The following MAP3K7 variants were observed in gnomAD, a reference collection of about 807,000 sequenced individuals.
MAP3K7 encodes TGF-beta activated kinase 1.
A neutral mutation model predicts 84.8 loss-of-function variants in MAP3K7; 21 were observed. That is an observed-to-expected ratio of 0.25 (90% CI 0.18 to 0.36). The LOEUF (loss-of-function observed/expected upper bound fraction) is 0.36, where lower values mean the gene tolerates loss of function less well. Among genes scored for constraint, MAP3K7 ranks in the 10% least tolerant of loss-of-function variants. The pLI is 1.00. For synonymous variants in MAP3K7, 241 were observed against 247.7 expected (o/e 0.97, Z 0.25); for missense variants, 503 against 747.7 (o/e 0.67, Z 3.82).
At position 90,586,885 on chromosome 6, in the gene MAP3K7, AT is replaced by A. The variant is rs775182340; in HGVS notation, c.-3del. 6.2e-7 allele frequency: 1 copy of A among 1,602,988 alleles called. No homozygotes were observed. The highest frequency in any genetic ancestry group is 8.5e-7 in the Non-Finnish European group (1 of 1,175,770). ...GGAGGCGGCAGAGGCTGTAGACATG[AT>A]CCCTCGCGGCGCCCGGTGGGGCCGG... On this transcript the variant is annotated 5_prime_UTR_variant, in exon 1 of 17. Coordinates refer to ENST00000369329, the MANE Select transcript of MAP3K7 (RefSeq NM_145331.3).
chr6:90,532,207 A>G (rs1207387356), intron 13 of MAP3K7, among the ~76,000 whole-genome samples: 1 of 152,196 alleles, frequency 6.6e-6, no homozygotes, highest in Non-Finnish European at 1.5e-5. Context: ...AATACTTTCC[A>G]TGATCCTTGA....
rs3215663 is a variant in MAP3K7, at chr6:90,556,630, T to TA, written c.483-7dup. On this transcript the variant is annotated splice_region_variant and splice_polypyrimidine_tract_variant and intron_variant, in intron 5 of 16. Transcript: ENST00000369329. ...CCCCTGCAACCAGCAGTAAGCTGTT[T>TA]AAAAAAAAACAAAAAACATCAAAAG... The TA allele has an allele frequency of 0.32, 482,878 of 1,526,536 alleles. 69,254 individuals are homozygous for TA. The highest frequency in any genetic ancestry group is 0.42 in the African/African-American group (29,759 of 70,130). 94.6% of individuals were successfully genotyped at this position (1,526,536 alleles called of 1,614,324 possible). A position where few individuals can be genotyped will look rare whatever the true frequency, so the allele number is the denominator to read the frequency against.
rs561563376 is a variant in MAP3K7, at chr6:90,515,476, T to C, written c.*1025A>G. 2 of 152,078 alleles carry C rather than the reference T, an allele frequency of 1.3e-5. No individual in the cohort carries two copies. Among genetic ancestry groups the C allele is most frequent in the Admixed American group, 1.3e-4 (2 of 15,258 alleles). 9.4% of individuals were successfully genotyped at this position (152,078 alleles called of 1,614,324 possible). A position where few individuals can be genotyped will look rare whatever the true frequency, so the allele number is the denominator to read the frequency against. On this transcript the variant is annotated 3_prime_UTR_variant, in exon 17 of 17. Transcript: ENST00000369329. ...CAAATATTCCAATATCCAGGATAAT[T>C]AGGACACTTGTTGAATTTATATTTG...
At chr6:90,519,406 TC>T in intron 14 of MAP3K7, 87 bp from the exon 15 acceptor site, 5 of 807,066 alleles carry the variant, frequency 6.2e-6, no homozygotes, top group Non-Finnish European at 1.0e-5. Context: ...ATGCTTTTTT[TC>T]CCTAAAGTAA....
chr6:90,555,671 T>C (rs1776314664), intron 6 of MAP3K7, among the ~76,000 whole-genome samples: 1 of 152,212 alleles, frequency 6.6e-6, no homozygotes, highest in African/African-American at 2.4e-5. Flanking sequence ...TTATGTTCTA[T>C]AAAGTTTCTG....
intron 7 of MAP3K7, 26 bp from the exon 8 acceptor site, chr6:90,552,205 G>A (rs1488637112): frequency 6.3e-7 from 1 of 1,575,660 alleles, no homozygotes; most frequent in South Asian, 1.1e-5. Context: ...AGAGGAAGGG[G>A]GGAAGAATGT....
intron 1 of MAP3K7, among the ~76,000 whole-genome samples, chr6:90,585,735 AT>A (rs1335132412): frequency 2.6e-5 from 4 of 152,168 alleles, no homozygotes; most frequent in African/African-American, 9.7e-5. Context: ...TAAAGAAAGG[AT>A]ATGGGTTTTC....
chr6:90,531,560 C>T (rs1210788800), intron 13 of MAP3K7, among the ~76,000 whole-genome samples: 1 of 152,124 alleles, frequency 6.6e-6, no homozygotes, highest in Non-Finnish European at 1.5e-5. Context: ...ATCTAAAGGT[C>T]TGTAGGCTTG....
rs932318636 is a variant in MAP3K7, at chr6:90,514,747, T to C, written c.*1754A>G. On this transcript the variant is annotated 3_prime_UTR_variant, in exon 17 of 17. Transcript: ENST00000369329. Reference sequence around the variant, plus strand: ...GATGTACATACAAGCAACAATGCTATGGAGGAGTCATGCTTTATCCTAGTC... The same window carrying C: ...GATGTACATACAAGCAACAATGCTACGGAGGAGTCATGCTTTATCCTAGTC... 3.3e-5 allele frequency: 5 copies of C among 151,962 alleles called. No homozygotes were observed. Among genetic ancestry groups the C allele is most frequent in the African/African-American group, 9.7e-5 (4 of 41,418 alleles). 9.4% of individuals were successfully genotyped at this position (151,962 alleles called of 1,614,324 possible).
chr6:90,556,095 T>C (rs1197335728), intron 6 of MAP3K7, among the ~76,000 whole-genome samples: 1 of 152,232 alleles, frequency 6.6e-6, no homozygotes, highest in East Asian at 1.9e-4. Context: ...CGTTGTCTTG[T>C]TCAACCTCAG....
At chr6:90,542,984 C>T (rs1049703785) in intron 12 of MAP3K7, among the ~76,000 whole-genome samples, 44 of 152,010 alleles carry the variant, frequency 2.9e-4, no homozygotes, top group African/African-American at 1.0e-3. Flanking sequence ...GCGTGGGCTA[C>T]GCTGCCATAT....
In MAP3K7 at chr6:90,536,422, G is replaced by A. The variant is rs1179642259; in HGVS notation, c.1292-21C>T. ...GTTGCCTTTAAAAAGAAGAAAAAAA[G>A]TAAAATACTAAAATCTAGTCAAACA... On this transcript the variant is annotated intron_variant, in intron 12 of 16. Coordinates refer to ENST00000369329, the MANE Select transcript of MAP3K7 (RefSeq NM_145331.3). 5.7e-6 allele frequency: 9 copies of A among 1,580,808 alleles called. No individual in the cohort carries two copies. The East Asian group carries it at 1.1e-4, about 20-fold the overall frequency.
intron 3 of MAP3K7, among the ~76,000 whole-genome samples, chr6:90,568,232 CAAGT>C (rs1047473253): frequency 3.3e-5 from 5 of 151,752 alleles, no homozygotes; most frequent in East Asian, 3.9e-4. Flanking sequence ...ATATCAAAAA[CAAGT>C]AAGTAACTCA....
At chr6:90,570,675 A>G (rs1034803145) in intron 2 of MAP3K7, among the ~76,000 whole-genome samples, 18 of 152,204 alleles carry the variant, frequency 1.2e-4, no homozygotes, top group South Asian at 4.1e-4. Flanking sequence ...TTTACATTAC[A>G]TGCACATCTC....
At chr6:90,574,649 A>G (rs911973857) in intron 1 of MAP3K7, among the ~76,000 whole-genome samples, 1 of 152,204 alleles carries the variant, frequency 6.6e-6, no homozygotes, top group South Asian at 2.1e-4. Flanking sequence ...TTCCATTTTG[A>G]GGAACGTCCA....
Position 90,516,556 on chromosome 6 carries a change from T to C in MAP3K7, c.1766A>G (p.Lys589Arg), listed in dbSNP as rs1309758104. The C allele has an allele frequency of 5.0e-6, 8 of 1,612,726 alleles. No individual in the cohort carries two copies. Among genetic ancestry groups the C allele is most frequent in the East Asian group, 4.5e-5 (2 of 44,862 alleles). Residue 589 changes from lysine to arginine, a missense_variant, in exon 17 of 17, where the codon AAA (lysine) becomes AGA (arginine). Physicochemically the swap from Lys to Arg is conservative, Grantham distance 26. Coordinates refer to ENST00000369329, the MANE Select transcript of MAP3K7 (RefSeq NM_145331.3). The stretch of plus-strand genomic sequence containing the variant: ...ACTTCTGATGACCTCTAGTTGTTTT[T>C]TGCATTGCTGGTAGTAAGTAGAAAG... ...KSLSTYYQQC[K>R]KQLEVIRSQQ... is the part of the protein sequence containing the mutation.
intron 14 of MAP3K7, 98 bp downstream of exon 14, chr6:90,523,580 T>C (rs1348555998): frequency 6.9e-6 from 5 of 725,672 alleles, no homozygotes; most frequent in East Asian, 5.2e-5. Context: ...AACAACAGTA[T>C]AATGCCTGCC....
At chr6:90,539,467 T>C (rs1775786527) in intron 12 of MAP3K7, among the ~76,000 whole-genome samples, 1 of 151,826 alleles carries the variant, frequency 6.6e-6, no homozygotes, top group African/African-American at 2.4e-5. Flanking sequence ...ATCAAAGGCT[T>C]ACATCTGCTA....
In MAP3K7 at chr6:90,522,131, T is replaced by C. The variant is rs536191251; in HGVS notation, c.1462+1547A>G. 2.6e-5 allele frequency among the ~76,000 whole-genome samples: 4 copies of C among 152,270 alleles called. No homozygotes were observed. In the South Asian group the frequency reaches 8.3e-4, roughly 32 times the overall value. On this transcript the variant is annotated intron_variant, in intron 14 of 16. Transcript: ENST00000369329. ...AAATTATAGCCACACATGTGCAATA[T>C]ATTTCAAGGCAAAGACAAAATTCAG...
Sources: allele counts gnomAD v4.1 joint callset (sites outside exome capture counted in the v4.1 genomes callset), GRCh38; gene constraint gnomAD v4.1.1; transcripts MANE v1.5; gene names NCBI Gene and HGNC (gene_info 2026-07-23, HGNC 2026-07-21).